Variants in DPYD observed in about 807,000 individuals in gnomAD.
DPYD encodes the protein dihydropyrimidine dehydrogenase.
A neutral mutation model predicts 116.2 loss-of-function variants in DPYD; 109 were observed. That is an observed-to-expected ratio of 0.94 (90% CI 0.80 to 1.10). DPYD has a LOEUF of 1.10. Among genes scored for constraint, DPYD ranks in the 50% least tolerant of loss-of-function variants. DPYD has a pLI of 0.00. For missense variants in DPYD, 1,302 were observed against 1,254.5 expected (o/e 1.04, Z -0.57); for synonymous variants, 440 against 432.0 (o/e 1.02, Z -0.23).
chr1:97,414,689 A>C (rs1223533383), intron 14 of DPYD, among the ~76,000 whole-genome samples: 1 of 152,236 alleles, frequency 6.6e-6, no homozygotes. Context: ...AAGAGATTGT[A>C]TTCTTCACTG....
chr1:97,322,157 T>C (rs1206480312), intron 16 of DPYD, among the ~76,000 whole-genome samples: 3 of 144,438 alleles, frequency 2.1e-5, no homozygotes, highest in African/African-American at 7.6e-5. Flanking sequence ...GTGGGTGCAG[T>C]GCACCAGCAT....
intron 8 of DPYD, among the ~76,000 whole-genome samples, chr1:97,604,842 C>A (rs369254410): frequency 6.6e-6 from 1 of 152,166 alleles, no homozygotes. Flanking sequence ...GGTAAATCAT[C>A]TAGAAATGGA....
chr1:97,118,955 A>T (rs1652203254), intron 20 of DPYD, among the ~76,000 whole-genome samples: 1 of 152,188 alleles, frequency 6.6e-6, no homozygotes, highest in Non-Finnish European at 1.5e-5. Flanking sequence ...ATGGAAGAGG[A>T]TACAATAATA....
chr1:97,366,884 G>A (rs1228290169), intron 16 of DPYD, among the ~76,000 whole-genome samples: 1 of 151,940 alleles, frequency 6.6e-6, no homozygotes, highest in African/African-American at 2.4e-5. Context: ...CTAACCTTTG[G>A]GATTTCTTAT....
At chr1:97,079,617 G>C (rs560047547) in intron 22 of DPYD, among the ~76,000 whole-genome samples, 1 of 152,290 alleles carries the variant, frequency 6.6e-6, no homozygotes, top group Non-Finnish European at 1.5e-5. Flanking sequence ...AATAATGCAT[G>C]TAGTTTTTAG....
intron 1 of DPYD, among the ~76,000 whole-genome samples, chr1:97,886,740 T>C (rs1306153784): frequency 6.6e-6 from 1 of 151,926 alleles, no homozygotes; most frequent in African/African-American, 2.4e-5. Context: ...AGTACTCTTA[T>C]AAACAATAAA....
intron 2 of DPYD, among the ~76,000 whole-genome samples, chr1:97,875,726 T>C (rs1265514927): frequency 6.6e-6 from 1 of 152,036 alleles, no homozygotes; most frequent in Admixed American, 6.6e-5. Context: ...CTTTAAAGTG[T>C]TATTTTCTTT....
At chr1:97,343,209 C>A (rs532900483) in intron 16 of DPYD, among the ~76,000 whole-genome samples, 1 of 152,100 alleles carries the variant, frequency 6.6e-6, no homozygotes, top group Non-Finnish European at 1.5e-5. Flanking sequence ...CTACCATTTA[C>A]AGCTATTGAT....
chr1:97,897,966 T>C (rs562946090), intron 1 of DPYD, among the ~76,000 whole-genome samples: 1 of 151,922 alleles, frequency 6.6e-6, no homozygotes, highest in South Asian at 2.1e-4. Flanking sequence ...TAAATGTTTT[T>C]GAGTTTTGTT....
intron 2 of DPYD, among the ~76,000 whole-genome samples, chr1:97,843,255 A>T (rs982116767): frequency 9.2e-5 from 14 of 152,108 alleles, no homozygotes; most frequent in Non-Finnish European, 2.9e-5. Context: ...TCAACAAAAT[A>T]TTGCTTTACA....
At chr1:97,660,339 C>T (rs1458157010) in intron 8 of DPYD, among the ~76,000 whole-genome samples, 1 of 151,864 alleles carries the variant, frequency 6.6e-6, no homozygotes, top group Non-Finnish European at 1.5e-5. Context: ...GTAAAAAGTA[C>T]AAAATATATT....
At chr1:97,507,125 T>C (rs1225065268) in intron 13 of DPYD, among the ~76,000 whole-genome samples, 2 of 151,988 alleles carry the variant, frequency 1.3e-5, no homozygotes, top group Non-Finnish European at 2.9e-5. Flanking sequence ...AGGAGTACTA[T>C]ATGTGAACTG....
chr1:97,390,794 C>T (rs1672649389), intron 14 of DPYD, among the ~76,000 whole-genome samples: 1 of 151,914 alleles, frequency 6.6e-6, no homozygotes, highest in Admixed American at 6.6e-5. Context: ...AACCACTGTA[C>T]CACTCTAGGA....
chr1:97,288,262 C>T (rs1665872298), intron 18 of DPYD, among the ~76,000 whole-genome samples: 1 of 144,262 alleles, frequency 6.9e-6, no homozygotes, highest in Admixed American at 6.8e-5. Context: ...CCACTGTCAA[C>T]ATTAGACAGA....
At chr1:97,259,348 C>G (rs1663719238) in intron 18 of DPYD, among the ~76,000 whole-genome samples, 1 of 152,044 alleles carries the variant, frequency 6.6e-6, no homozygotes, top group South Asian at 2.1e-4. Context: ...CTCTTAACAG[C>G]AACCACAAAC....
At chr1:97,140,897 G>C (rs1654167113) in intron 20 of DPYD, among the ~76,000 whole-genome samples, 1 of 152,184 alleles carries the variant, frequency 6.6e-6, no homozygotes, top group South Asian at 2.1e-4. Flanking sequence ...TGTTTTGAAA[G>C]TGCAGCTCAT....
chr1:97,736,605 G>T (rs4970728), intron 4 of DPYD, among the ~76,000 whole-genome samples: 8 of 152,100 alleles, frequency 5.3e-5, no homozygotes, highest in Admixed American at 5.2e-4. Context: ...CGTGGAAAGA[G>T]GTAATTAGAA....
At chr1:97,668,406 T>C (rs1055574557) in intron 8 of DPYD, among the ~76,000 whole-genome samples, 2 of 152,108 alleles carry the variant, frequency 1.3e-5, no homozygotes, top group Admixed American at 1.3e-4. Flanking sequence ...CCAAAATTAC[T>C]TTGTGAGAAT....
chr1:97,641,426 C>T (rs1427119027), intron 8 of DPYD, among the ~76,000 whole-genome samples: 6 of 152,116 alleles, frequency 3.9e-5, no homozygotes, highest in African/African-American at 1.4e-4. Context: ...TTTACTTCTA[C>T]TCCTGATATT....
Sources: gnomAD v4.1 joint callset for allele counts (sites outside exome capture counted in the v4.1 genomes callset) on GRCh38, gnomAD v4.1.1 for gene constraint, MANE v1.5 for transcripts, NCBI Gene and HGNC (gene_info 2026-07-23, HGNC 2026-07-21) for gene names.